Variants in PTPRR observed in about 807,000 individuals in gnomAD.
The protein encoded by PTPRR is receptor-type tyrosine-protein phosphatase R.
Under a neutral mutation model 77.2 loss-of-function variants are expected in PTPRR, and 38 were observed. The ratio of observed to expected loss-of-function variants is 0.49; its 90% CI spans 0.38 to 0.65. The LOEUF (loss-of-function observed/expected upper bound fraction) is 0.65. Ranked by LOEUF, PTPRR falls within the 30% of genes least tolerant of loss-of-function variation. The probability of loss-of-function intolerance (pLI) is 0.00; values close to 1 mark genes in which losing one functional copy is unlikely to be tolerated. For missense variants in PTPRR, 744 were observed against 799.2 expected (o/e 0.93, Z 0.83); for synonymous variants, 299 against 283.1 (o/e 1.06, Z -0.57).
At chr12:70,741,738 G>A (rs1255836828) in intron 6 of PTPRR, among the ~76,000 whole-genome samples, 1 of 152,122 alleles carries the variant, frequency 6.6e-6, no homozygotes, top group Non-Finnish European at 1.5e-5. Flanking sequence ...TGGGCTCAGG[G>A]GAGGGTGAAG....
intron 6 of PTPRR, among the ~76,000 whole-genome samples, chr12:70,739,210 G>A (rs1889968768): frequency 6.6e-6 from 1 of 152,280 alleles, no homozygotes; most frequent in African/African-American, 2.4e-5. Context: ...GTAGGCTTGT[G>A]AAATGGAATC....
At chr12:70,719,237 C>T (rs952152174) in intron 6 of PTPRR, among the ~76,000 whole-genome samples, 2 of 152,100 alleles carry the variant, frequency 1.3e-5, no homozygotes, top group African/African-American at 2.4e-5. Context: ...GACATGAAGG[C>T]CATTTCAGCT....
chr12:70,900,137 AG>A (rs1893506042), intron 1 of PTPRR, among the ~76,000 whole-genome samples: 1 of 151,366 alleles, frequency 6.6e-6, no homozygotes, highest in African/African-American at 2.4e-5. Flanking sequence ...AATTTTTTGT[AG>A]ATGTAGATAT....
chr12:70,779,668 A>G (rs150718619), intron 2 of PTPRR, among the ~76,000 whole-genome samples: 36 of 152,350 alleles, frequency 2.4e-4, no homozygotes, highest in African/African-American at 8.2e-4. Context: ...CTCAAGACCC[A>G]AAACAGTGCC....
At chr12:70,894,729 T>C (rs1893397247) in intron 1 of PTPRR, among the ~76,000 whole-genome samples, 1 of 151,762 alleles carries the variant, frequency 6.6e-6, no homozygotes, top group Admixed American at 6.6e-5. Flanking sequence ...CTGTTCTGAA[T>C]TCCATTATAC....
At chr12:70,722,560 C>T (rs1481191830) in intron 6 of PTPRR, among the ~76,000 whole-genome samples, 1 of 152,130 alleles carries the variant, frequency 6.6e-6, no homozygotes, top group Non-Finnish European at 1.5e-5. Context: ...ACGCGGAGGT[C>T]ATCCGGCTTG....
chr12:70,785,005 T>C (rs954752346), intron 2 of PTPRR, among the ~76,000 whole-genome samples: 2 of 152,144 alleles, frequency 1.3e-5, no homozygotes, highest in African/African-American at 4.8e-5. Context: ...ATGCTATCAT[T>C]TGTTTCTGGA....
At chr12:70,678,038 C>A (rs1402371310) in intron 10 of PTPRR, among the ~76,000 whole-genome samples, 2 of 151,968 alleles carry the variant, frequency 1.3e-5, no homozygotes, top group Non-Finnish European at 2.9e-5. Flanking sequence ...GTTTTGTCTT[C>A]AATGGGATAC....
chr12:70,886,310 C>T (rs922199501), intron 2 of PTPRR, among the ~76,000 whole-genome samples: 1 of 152,076 alleles, frequency 6.6e-6, no homozygotes, highest in African/African-American at 2.4e-5. Flanking sequence ...GCTAGTCTGG[C>T]GATTATATAA....
At chr12:70,784,798 G>A (rs74101592) in intron 2 of PTPRR, among the ~76,000 whole-genome samples, 5,315 of 152,288 alleles carry the variant, frequency 0.035, 311 homozygotes, top group African/African-American at 0.12. Flanking sequence ...TGGAGTAACA[G>A]CTTTGTTGAT....
Position 70,764,701 on chromosome 12 carries a change from T to C in PTPRR, c.435A>G (p.Gly145=). The part of the protein sequence containing the change: ...IFRQGVAAAL[G]LLPQQVHINR... ...TGATGTGCACTTGCTGGGGTAAGAG[T>C]CCTAAAGCTGCAGCCACTCCTTGGC... The change falls in exon 3 of 14, where the codon GGA becomes GGG. Residue 145 remains glycine, a synonymous_variant. Transcript: ENST00000283228. 6.2e-7 allele frequency: 1 copy of C among 1,613,856 alleles called. No homozygotes were observed. Among genetic ancestry groups the C allele is most frequent in the Non-Finnish European group, 8.5e-7 (1 of 1,179,896 alleles).
intron 10 of PTPRR, among the ~76,000 whole-genome samples, chr12:70,673,936 T>A (rs982201144): frequency 2.0e-5 from 3 of 152,282 alleles, no homozygotes; most frequent in East Asian, 1.9e-4. Flanking sequence ...CAATCCTTTT[T>A]AAAAATTTTT....
At chr12:70,897,195 C>A (rs1004595797) in intron 1 of PTPRR, among the ~76,000 whole-genome samples, 3 of 151,876 alleles carry the variant, frequency 2.0e-5, no homozygotes, top group Non-Finnish European at 2.9e-5. Context: ...GCAAAAGAAA[C>A]CACCATCAGA....
At chr12:70,837,143 A>G (rs1892319453) in intron 2 of PTPRR, among the ~76,000 whole-genome samples, 1 of 152,090 alleles carries the variant, frequency 6.6e-6, no homozygotes, top group Admixed American at 6.6e-5. Context: ...AATTGTGGGT[A>G]TAAATGTAGA....
intron 2 of PTPRR, among the ~76,000 whole-genome samples, chr12:70,844,259 C>T (rs1892447208): frequency 1.3e-5 from 2 of 152,212 alleles, no homozygotes; most frequent in African/African-American, 2.4e-5. Flanking sequence ...AGAGATGATA[C>T]ATTTTGAGCC....
intron 1 of PTPRR, among the ~76,000 whole-genome samples, chr12:70,902,059 A>C (rs1893544664): frequency 6.6e-6 from 1 of 151,954 alleles, no homozygotes; most frequent in Non-Finnish European, 1.5e-5. Context: ...CCAACATATG[A>C]AAAAATGCTC....
intron 2 of PTPRR, among the ~76,000 whole-genome samples, chr12:70,843,884 C>T (rs975348875): frequency 2.0e-5 from 3 of 147,060 alleles, no homozygotes; most frequent in South Asian, 2.2e-4. Context: ...GGCACAATCT[C>T]GGCTCACTGC....
At chr12:70,758,953 G>GTTT (rs202097296) in intron 4 of PTPRR, among the ~76,000 whole-genome samples, 24 of 151,870 alleles carry the variant, frequency 1.6e-4, no homozygotes, top group African/African-American at 5.6e-4. Flanking sequence ...TGTTGTTGTT[G>GTTT]TCTGTTTGTT....
intron 2 of PTPRR, among the ~76,000 whole-genome samples, chr12:70,874,920 C>CAAAAAAAA (rs34592534): frequency 1.3e-5 from 1 of 76,826 alleles, no homozygotes; most frequent in Non-Finnish European, 2.6e-5. Context: ...GACTCCATCT[C>CAAAAAAAA]AAAAAAAAAA....
Sources: gnomAD v4.1 joint callset for allele counts (sites outside exome capture counted in the v4.1 genomes callset) on GRCh38, gnomAD v4.1.1 for gene constraint, MANE v1.5 for transcripts, NCBI Gene and HGNC (gene_info 2026-07-23, HGNC 2026-07-21) for gene names.